Variants in COMMD10 observed in about 807,000 individuals in gnomAD.
COMMD10 encodes the protein COMM domain containing 10.
COMMD10 carries 33 observed loss-of-function variants against 28.9 expected under a neutral mutation model. That is an observed-to-expected ratio of 1.14 (90% CI 0.87 to 1.53). The LOEUF is 1.53. Ranked by LOEUF, COMMD10 falls within the 40% of genes most tolerant of loss-of-function variation. The pLI, the probability that COMMD10 is intolerant of heterozygous loss-of-function variation, is 0.00. For synonymous variants in COMMD10, 110 were observed against 81.7 expected, an observed-to-expected ratio of 1.35 and a Z score of -1.87; for missense variants, 310 against 233.4, an observed-to-expected ratio of 1.33 and a Z score of -2.14.
chr5:116,233,925 G>C (rs534099234), intron 5 of COMMD10, among the ~76,000 whole-genome samples: 22 of 152,314 alleles, frequency 1.4e-4, no homozygotes, highest in African/African-American at 5.3e-4. Flanking sequence ...AATGTTGAGA[G>C]AAGGGTTCTA....
At chr5:116,095,967 CTTAT>C (rs1750454470) in intron 4 of COMMD10, among the ~76,000 whole-genome samples, 1 of 151,996 alleles carries the variant, frequency 6.6e-6, no homozygotes, top group African/African-American at 2.4e-5. Context: ...ATTTCATTGA[CTTAT>C]TTGTCTATGC....
chr5:116,133,877 G>T (rs757696244), intron 4 of COMMD10, among the ~76,000 whole-genome samples, 191 bp from the exon 5 acceptor site: 1 of 152,106 alleles, frequency 6.6e-6, no homozygotes, highest in East Asian at 1.9e-4. Context: ...TTTGACAGGC[G>T]TGGCAGGAGG....
At chr5:116,122,817 A>G (rs1751488283) in intron 4 of COMMD10, among the ~76,000 whole-genome samples, 1 of 152,280 alleles carries the variant, frequency 6.6e-6, no homozygotes, top group African/African-American at 2.4e-5. Context: ...TGGTTTTTGC[A>G]TATTGATTTT....
At chr5:116,104,942 C>G (rs1419022449) in intron 4 of COMMD10, among the ~76,000 whole-genome samples, 1 of 152,134 alleles carries the variant, frequency 6.6e-6, no homozygotes, top group Non-Finnish European at 1.5e-5. Context: ...ATTGAATATC[C>G]TTTCTTTCTT....
Position 116,292,429 on chromosome 5 carries a change from TTTTTTTTG to T in COMMD10, c.571-20_571-13del. ...TCGTTCCCTTCACTAACGTCTTTTT[TTTTTTTTG>T]TCTTTGTAAATAGCTAGAGACTATA... On this transcript the variant is annotated splice_polypyrimidine_tract_variant and intron_variant, in intron 6 of 6. Transcript: ENST00000274458. 6.7e-7 allele frequency: 1 copy of T among 1,494,420 alleles called. No individual in the cohort carries two copies. The highest frequency in any genetic ancestry group is 1.4e-5 in the South Asian group (1 of 73,008). 92.6% of individuals were successfully genotyped at this position (1,494,420 alleles called of 1,614,324 possible).
chr5:116,248,366 T>G (rs1750015794), intron 5 of COMMD10, among the ~76,000 whole-genome samples: 1 of 122,252 alleles, frequency 8.2e-6, no homozygotes, highest in Admixed American at 8.3e-5. Context: ...AGAAAAAGTA[T>G]AATATTAAGA....
intron 5 of COMMD10, among the ~76,000 whole-genome samples, chr5:116,157,775 G>A (rs147182534): frequency 1.2e-3 from 175 of 152,170 alleles, no homozygotes; most frequent in Middle Eastern, 3.4e-3. Context: ...TAAAGTAGTT[G>A]TACAGTTTAT....
chr5:116,224,286 C>G (rs558231900), intron 5 of COMMD10, among the ~76,000 whole-genome samples: 12 of 152,282 alleles, frequency 7.9e-5, no homozygotes, highest in Non-Finnish European at 1.3e-4. Context: ...TTAGGAAACT[C>G]TATGTAGATA....
intron 5 of COMMD10, among the ~76,000 whole-genome samples, chr5:116,173,475 A>G (rs1753402094): frequency 6.6e-6 from 1 of 152,178 alleles, no homozygotes; most frequent in Non-Finnish European, 1.5e-5. Context: ...CTTAATTTAT[A>G]CAGTTAGTAT....
chr5:116,134,648 T>A (rs917808311), intron 5 of COMMD10, among the ~76,000 whole-genome samples: 2 of 152,164 alleles, frequency 1.3e-5, no homozygotes, highest in African/African-American at 4.8e-5. Flanking sequence ...TTTGAGACGG[T>A]GTCTTGCTGT....
intron 5 of COMMD10, among the ~76,000 whole-genome samples, chr5:116,195,736 G>C (rs1748499619): frequency 6.6e-6 from 1 of 151,836 alleles, no homozygotes. Flanking sequence ...ACTCAAATCA[G>C]TAAGAAAAAA....
chr5:116,265,932 T>C (rs7706895), intron 5 of COMMD10, among the ~76,000 whole-genome samples: 8,157 of 151,730 alleles, frequency 0.054, 395 homozygotes, highest in African/African-American at 0.11. Flanking sequence ...TGGTAATACA[T>C]ATTCAGAGAA....
At chr5:116,196,730 G>C (rs747720026) in intron 5 of COMMD10, among the ~76,000 whole-genome samples, 19 of 137,860 alleles carry the variant, frequency 1.4e-4, no homozygotes, top group Non-Finnish European at 2.7e-4. Context: ...TACTAACTAT[G>C]TGTATATGAA....
Position 116,291,516 on chromosome 5 carries a change from G to A in COMMD10, c.511-1G>A, listed in dbSNP as rs1355474621. The A allele has an allele frequency of 6.3e-7, 1 of 1,597,722 alleles. No individual in the cohort carries two copies. The highest frequency in any genetic ancestry group is 1.1e-5 in the South Asian group (1 of 88,310). ...CTTTTTGTTGTTTTTCTTCCTTACA[G>A]AGCCTGGAGAAAGTTCTTGTGGAAT... On this transcript the variant is annotated splice_acceptor_variant, in intron 5 of 6. Coordinates refer to ENST00000274458, the MANE Select transcript of COMMD10 (RefSeq NM_016144.4). LOFTEE classifies it high-confidence loss of function.
chr5:116,286,312 T>A (rs1231407734), intron 5 of COMMD10, among the ~76,000 whole-genome samples: 1 of 136,744 alleles, frequency 7.3e-6, no homozygotes, highest in Non-Finnish European at 1.5e-5. Context: ...AAAAACTAAC[T>A]CAATTTCTAT....
chr5:116,220,334 A>G (rs945236483), intron 5 of COMMD10, among the ~76,000 whole-genome samples: 2 of 152,166 alleles, frequency 1.3e-5, no homozygotes, highest in South Asian at 4.1e-4. Context: ...GGATTTAATC[A>G]GGAAGTAAAG....
intron 5 of COMMD10, among the ~76,000 whole-genome samples, chr5:116,139,587 A>G (rs1456839189): frequency 7.8e-6 from 1 of 128,740 alleles, no homozygotes; most frequent in African/African-American, 4.0e-5. Context: ...GTTCGTCTGC[A>G]TTTTCCTTTT....
Position 116,292,591 on chromosome 5 carries a change from C to A in COMMD10, c.*102C>A. ...GTTTTCTGAAGGATTCAGTGACTTG[C>A]TTTCTGTAAATTATATGGCTTATCA... is the stretch of plus-strand genomic sequence containing the variant. On this transcript the variant is annotated 3_prime_UTR_variant, in exon 7 of 7. Coordinates refer to ENST00000274458, the MANE Select transcript of COMMD10 (RefSeq NM_016144.4). The A allele has an allele frequency of 2.2e-6, 2 of 918,964 alleles. No homozygotes were observed. The highest frequency in any genetic ancestry group is 2.4e-5 in the Admixed American group (1 of 42,186). The allele number at this position is 918,964 out of a possible 1,614,324, so 56.9% of individuals were successfully genotyped here. A position where few individuals can be genotyped will look rare whatever the true frequency, so the allele number is the denominator to read the frequency against.
chr5:116,209,542 C>T (rs142122306), intron 5 of COMMD10, among the ~76,000 whole-genome samples: 9 of 152,182 alleles, frequency 5.9e-5, no homozygotes, highest in African/African-American at 1.9e-4. Flanking sequence ...ATTAAAAGGA[C>T]GTATTTGTTT....
Sources: allele counts gnomAD v4.1 joint callset (sites outside exome capture counted in the v4.1 genomes callset), GRCh38; gene constraint gnomAD v4.1.1; transcripts MANE v1.5; gene names NCBI Gene and HGNC (gene_info 2026-07-23, HGNC 2026-07-21).